BAHCC1: variants seen among roughly 807,000 people sequenced by gnomAD.
BAHCC1 encodes the protein BAH and coiled-coil domain-containing protein 1.
In BAHCC1, 43 loss-of-function variants were observed where a neutral mutation model predicts 88.2. The observed-to-expected ratio is 0.49, with a 90% confidence interval of 0.38 to 0.63. BAHCC1 has a LOEUF of 0.63. Among genes scored for constraint, BAHCC1 ranks in the 20% least tolerant of loss-of-function variants. The probability of loss-of-function intolerance (pLI) is 0.00; values close to 1 mark genes in which losing one functional copy is unlikely to be tolerated. For missense variants in BAHCC1, 3,023 were observed against 1,654.8 expected (o/e 1.83, Z -14.34); for synonymous variants, 1,510 against 745.5 (o/e 2.03, Z -16.71).
chr17:81,441,639 GCGACAGA>G (rs2064417465), intron 4 of BAHCC1, among the ~76,000 whole-genome samples, 185 bp from the exon 5 acceptor site: 1 of 148,550 alleles, frequency 6.7e-6, no homozygotes, highest in Admixed American at 6.8e-5. Context: ...TGCAGCCTGG[GCGACAGA>G]GGGCAGAGCG....
chr17:81,396,596 G>C (rs1015338551), intron 1 of BAHCC1: 1 of 152,196 alleles, frequency 6.6e-6, no homozygotes. Context: ...TCCCGGAGAC[G>C]ACGCCGGAGG....
chr17:81,441,741 C>T, intron 4 of BAHCC1, 90 bp from the exon 5 acceptor site: 1 of 491,720 alleles, frequency 2.0e-6, no homozygotes, highest in Admixed American at 3.0e-5. Context: ...CAGCTGGTGT[C>T]CGGGAGGCAC....
At chr17:81,447,972 T>TC (rs2064565665) in intron 11 of BAHCC1, 124 bp downstream of exon 11, 6 of 647,016 alleles carry the variant, frequency 9.3e-6, no homozygotes, top group Non-Finnish European at 1.7e-5. Flanking sequence ...GTGTGGTAGG[T>TC]CCCCTGGAGA....
chr17:81,400,124 C>G (rs1008671128), intron 2 of BAHCC1, among the ~76,000 whole-genome samples: 3 of 152,102 alleles, frequency 2.0e-5, no homozygotes, highest in Non-Finnish European at 4.4e-5. Context: ...CCCTGGCCAC[C>G]CTCCCCCGGG....
In BAHCC1 at chr17:81,459,086, C is replaced by G; in HGVS notation, c.5638C>G (p.Arg1880Gly). 1.3e-6 allele frequency: 1 copy of G among 769,222 alleles called. No individual in the cohort carries two copies. The highest frequency in any genetic ancestry group is 1.4e-5 in the South Asian group (1 of 73,160). 47.6% of individuals were successfully genotyped at this position (769,222 alleles called of 1,614,324 possible). A position where few individuals can be genotyped will look rare whatever the true frequency, so the allele number is the denominator to read the frequency against. Residue 1880 changes from arginine to glycine, a missense_variant, in exon 21 of 28, where the codon CGG becomes GGG. By Grantham distance (125) the Arg-to-Gly change is moderately radical. Coordinates refer to ENST00000675386, the MANE Select transcript of BAHCC1 (RefSeq NM_001377448.1). Reference protein sequence around the residue: ...RSCAIHKEDLRDGLPVLIPKE... With the variant: ...RSCAIHKEDLGDGLPVLIPKE... Reference sequence around the variant, plus strand: ...GTGTGCCATCCACAAGGAGGACCTGCGGGACGGGCTGCCCGTGCTCATCCC... The same window carrying G: ...GTGTGCCATCCACAAGGAGGACCTGGGGGACGGGCTGCCCGTGCTCATCCC...
intron 3 of BAHCC1, among the ~76,000 whole-genome samples, chr17:81,437,832 G>A (rs1318876838): frequency 6.6e-6 from 1 of 151,550 alleles, no homozygotes; most frequent in Non-Finnish European, 1.5e-5. Context: ...AAGAGGCCTG[G>A]CCATGGTGGG....
chr17:81,460,654 C>A lies in BAHCC1; in HGVS notation c.6150C>A (p.Gly2050=), dbSNP rs782273720. 1 of 772,186 alleles carries A rather than the reference C, an allele frequency of 1.3e-6. No individual in the cohort carries two copies. The highest frequency in any genetic ancestry group is 2.4e-6 in the Non-Finnish European group (1 of 414,390). The allele number at this position is 772,186 out of a possible 1,614,324, so 47.8% of individuals were successfully genotyped here. Residue 2050 remains glycine (G), a synonymous_variant, in exon 25 of 28, where the codon GGC becomes GGA. Transcript: ENST00000675386. The part of the protein sequence containing the change: ...TPSLSPKAQD[G]PEALKTPGKK... The stretch of plus-strand genomic sequence containing the variant: ...GCCTGTCCCCCAAAGCACAGGACGG[C>A]CCCGAAGCTTTGAAGACACCTGGGA...
intron 2 of BAHCC1, among the ~76,000 whole-genome samples, chr17:81,416,338 G>A (rs544546632): frequency 3.4e-5 from 5 of 145,766 alleles, no homozygotes; most frequent in African/African-American, 1.3e-4. Context: ...ATGAGGATGG[G>A]TGTGTGTGTG....
chr17:81,446,526 C>CCTTT (rs2064530764), intron 10 of BAHCC1, among the ~76,000 whole-genome samples: 2 of 49,184 alleles, frequency 4.1e-5, no homozygotes, highest in African/African-American at 8.9e-5. Flanking sequence ...CTGCTCACAC[C>CCTTT]TTTTTTTTTT....
In BAHCC1 at chr17:81,442,993, G is replaced by A. The variant is rs782294244; in HGVS notation, c.1644G>A (p.Gln548=). The part of the protein sequence containing the change: ...AQKVARIRHQ[Q]HLMAAEVEQG... The stretch of plus-strand genomic sequence containing the variant: ...AGGTGGCCCGCATCAGGCACCAGCA[G>A]CACTTGATGGCCGCCGAGGTGGAGC... Residue 548 remains glutamine, a synonymous_variant, in exon 5 of 28, where the codon CAG becomes CAA. Coordinates refer to ENST00000675386, the MANE Select transcript of BAHCC1 (RefSeq NM_001377448.1). 1.3e-6 allele frequency: 1 copy of A among 778,868 alleles called. No homozygotes were observed. The highest frequency in any genetic ancestry group is 1.3e-5 in the South Asian group (1 of 74,582). The allele number at this position is 778,868 out of a possible 1,614,324, so 48.2% of individuals were successfully genotyped here.
chr17:81,430,403 C>G (rs1422905179), intron 3 of BAHCC1, among the ~76,000 whole-genome samples: 2 of 152,198 alleles, frequency 1.3e-5, no homozygotes, highest in South Asian at 2.1e-4. Flanking sequence ...CGCGCTGGCT[C>G]TCCGCCTGGC....
intron 2 of BAHCC1, among the ~76,000 whole-genome samples, chr17:81,422,364 G>A (rs1030458811): frequency 1.3e-5 from 2 of 152,206 alleles, no homozygotes; most frequent in African/African-American, 4.8e-5. Context: ...AAGACATAAT[G>A]TTTGTATGAC....
At chr17:81,417,710 T>C (rs923228970) in intron 2 of BAHCC1, among the ~76,000 whole-genome samples, 1 of 152,178 alleles carries the variant, frequency 6.6e-6, no homozygotes. Context: ...CTGATTGGGT[T>C]GGGTACACAG....
chr17:81,454,931 G>T (rs782387221), intron 14 of BAHCC1, among the ~76,000 whole-genome samples: 3 of 152,228 alleles, frequency 2.0e-5, no homozygotes, highest in Non-Finnish European at 4.4e-5. Context: ...CACTGCCAGG[G>T]CGTTCCTTCC....
rs1197057804 is a variant in BAHCC1, at chr17:81,435,734, C to T, written c.359-2636C>T. Among the ~76,000 whole-genome samples, 1 of 151,906 alleles carries T rather than the reference C, an allele frequency of 6.6e-6. No individual in the cohort carries two copies. Among genetic ancestry groups the T allele is most frequent in the Non-Finnish European group, 1.5e-5 (1 of 67,956 alleles). On this transcript the variant is annotated intron_variant, in intron 3 of 27. Coordinates refer to ENST00000675386, the MANE Select transcript of BAHCC1 (RefSeq NM_001377448.1). The surrounding 1 kb of genome is among the most constrained non-coding windows in gnomAD (Gnocchi z 4.4). The stretch of plus-strand genomic sequence containing the variant: ...CCCCCTGGAGCCCTCCCCAGGACCA[C>T]CACCCCCACTCCTCAGTGGCAACCC...
At chr17:81,433,749 G>A (rs1218073827) in intron 3 of BAHCC1, among the ~76,000 whole-genome samples, 3 of 152,028 alleles carry the variant, frequency 2.0e-5, no homozygotes, top group East Asian at 1.9e-4. Context: ...TCAGTCCACC[G>A]AGGTCCCCGT....
chr17:81,424,025 A>G (rs1376461391), intron 2 of BAHCC1, among the ~76,000 whole-genome samples: 4 of 152,184 alleles, frequency 2.6e-5, no homozygotes, highest in Non-Finnish European at 5.9e-5. Flanking sequence ...GTGCCAGCCC[A>G]GTCGGGGCCC....
intron 2 of BAHCC1, chr17:81,402,789 C>G (rs887933073): frequency 6.6e-6 from 1 of 152,282 alleles, no homozygotes; most frequent in Non-Finnish European, 1.5e-5. Flanking sequence ...TCCCCAACCC[C>G]ACCCAACACT....
At chr17:81,402,463 A>G (rs889660709) in intron 2 of BAHCC1, 1 of 152,108 alleles carries the variant, frequency 6.6e-6, no homozygotes, top group African/African-American at 2.4e-5. Context: ...ACGTTAAACA[A>G]TTTTTTTGCG....
Sources: gnomAD v4.1 joint callset for allele counts (sites outside exome capture counted in the v4.1 genomes callset) on GRCh38, gnomAD v4.1.1 for gene constraint, Gnocchi (gnomAD v3.1) non-coding constraint, MANE v1.5 for transcripts, NCBI Gene and HGNC (gene_info 2026-07-23, HGNC 2026-07-21) for gene names.